The following TAFA5 variants were observed in gnomAD, a reference collection of about 807,000 sequenced individuals.
The protein encoded by TAFA5 is TAFA chemokine like family member 5.
A neutral mutation model predicts 15.3 loss-of-function variants in TAFA5; 6 were observed. The ratio of observed to expected loss-of-function variants is 0.39; its 90% confidence interval spans 0.21 to 0.77. TAFA5 has a LOEUF of 0.77. Among genes scored for constraint, TAFA5 ranks in the 30% least tolerant of loss-of-function variants. The probability of loss-of-function intolerance (pLI) is 0.41; values close to 1 mark genes in which losing one functional copy is unlikely to be tolerated. For missense variants in TAFA5, 161 were observed against 193.1 expected (o/e 0.83, Z 0.98); for synonymous variants, 103 against 80.7 (o/e 1.28, Z -1.48).
intron 3 of TAFA5, among the ~76,000 whole-genome samples, chr22:48,740,205 G>A (rs1252372230): frequency 9.9e-5 from 15 of 152,154 alleles, no homozygotes; most frequent in Non-Finnish European, 5.9e-5. Flanking sequence ...TGCTAACTAG[G>A]AGCCCCAAGG....
chr22:48,617,691 T>C (rs1925661171), intron 1 of TAFA5, among the ~76,000 whole-genome samples: 1 of 152,210 alleles, frequency 6.6e-6, no homozygotes, highest in Non-Finnish European at 1.5e-5. Flanking sequence ...AGCTGCCCCA[T>C]GCCTGAGGCG....
At chr22:48,551,255 G>T (rs1366768885) in intron 1 of TAFA5, among the ~76,000 whole-genome samples, 1 of 152,144 alleles carries the variant, frequency 6.6e-6, no homozygotes, top group Non-Finnish European at 1.5e-5. Context: ...CTGGAAGGCA[G>T]GGAGCCCCCC....
chr22:48,519,788 C>A (rs1601845548), intron 1 of TAFA5, among the ~76,000 whole-genome samples: 1 of 152,278 alleles, frequency 6.6e-6, no homozygotes, highest in East Asian at 1.9e-4. Context: ...GGTCCCGTAC[C>A]TCTTGCCCAT....
rs900003842 is a variant in TAFA5, at chr22:48,566,413, A to G, written c.112+76709A>G. On this transcript the variant is annotated intron_variant, in intron 1 of 3. Coordinates refer to ENST00000402357, the MANE Select transcript of TAFA5 (RefSeq NM_001082967.3). The surrounding 1 kb of genome is among the most constrained non-coding windows in gnomAD (Gnocchi z 4.5). Reference sequence around the variant, plus strand: ...TGAATGATGGGTAGATGGTAGGTGGATGGATGATGAATGGTAGATGGGTGA... The same window carrying G: ...TGAATGATGGGTAGATGGTAGGTGGGTGGATGATGAATGGTAGATGGGTGA... 1.3e-5 allele frequency among the ~76,000 whole-genome samples: 2 copies of G among 151,772 alleles called. No individual in the cohort carries two copies. Among genetic ancestry groups the G allele is most frequent in the African/African-American group, 4.8e-5 (2 of 41,342 alleles).
chr22:48,564,239 A>G (rs1923335203), intron 1 of TAFA5, among the ~76,000 whole-genome samples: 1 of 152,226 alleles, frequency 6.6e-6, no homozygotes, highest in Non-Finnish European at 1.5e-5. Context: ...GATGGCAGGA[A>G]GCTTGTGGCG....
At chr22:48,668,408 G>A (rs578260056) in intron 2 of TAFA5, among the ~76,000 whole-genome samples, 44 of 16,508 alleles carry the variant, frequency 2.7e-3, no homozygotes, top group Admixed American at 7.9e-3. Context: ...CCCAGCACTC[G>A]GGGCCGCGTT....
At chr22:48,634,299 CACTT>C (rs1245779018) in intron 1 of TAFA5, among the ~76,000 whole-genome samples, 1 of 152,150 alleles carries the variant, frequency 6.6e-6, no homozygotes, top group Non-Finnish European at 1.5e-5. Context: ...TTCGTTAACT[CACTT>C]ATTCACTCAT....
chr22:48,559,475 C>A (rs919421827), intron 1 of TAFA5, among the ~76,000 whole-genome samples: 4 of 152,140 alleles, frequency 2.6e-5, no homozygotes, highest in Admixed American at 1.3e-4. Flanking sequence ...GCCCCACAAC[C>A]CCTCCTCTGA....
intron 2 of TAFA5, among the ~76,000 whole-genome samples, chr22:48,694,809 CCCACCCGCCGCCG>C: frequency 4.3e-5 from 1 of 23,458 alleles, no homozygotes. Flanking sequence ...GACCTCCGCC[CCCACCCGCCGCCG>C]CTCCGACCTC....
chr22:48,615,074 C>T (rs955838458), intron 1 of TAFA5, among the ~76,000 whole-genome samples: 5 of 152,194 alleles, frequency 3.3e-5, no homozygotes, highest in East Asian at 1.9e-4. Context: ...AGGAAGTACT[C>T]GCTTACAAAG....
intron 1 of TAFA5, among the ~76,000 whole-genome samples, chr22:48,606,686 C>T (rs886134130): frequency 1.4e-4 from 22 of 152,204 alleles, no homozygotes; most frequent in Non-Finnish European, 2.8e-4. Flanking sequence ...TTGAAACTGG[C>T]GTCTGGGATT....
intron 3 of TAFA5, among the ~76,000 whole-genome samples, chr22:48,732,223 G>C (rs2147267705): frequency 6.6e-6 from 1 of 151,616 alleles, no homozygotes; most frequent in South Asian, 2.1e-4. Flanking sequence ...GGTACTTCTT[G>C]GGGATAAGCA....
intron 1 of TAFA5, among the ~76,000 whole-genome samples, chr22:48,628,906 T>C (rs1428733893): frequency 6.6e-6 from 1 of 152,094 alleles, no homozygotes; most frequent in Non-Finnish European, 1.5e-5. Flanking sequence ...CCTGGGGCTG[T>C]GGGTGGGGGC....
chr22:48,604,368 C>T (rs1925082218), intron 1 of TAFA5, among the ~76,000 whole-genome samples: 1 of 152,246 alleles, frequency 6.6e-6, no homozygotes, highest in Admixed American at 6.5e-5. Context: ...CATTTTGCTG[C>T]AGATTCCACG....
chr22:48,556,243 A>G (rs995761012), intron 1 of TAFA5, among the ~76,000 whole-genome samples: 12 of 152,122 alleles, frequency 7.9e-5, no homozygotes, highest in African/African-American at 2.4e-4. Context: ...GCAAGTGCTC[A>G]CTGGCCCTGC....
At chr22:48,677,426 C>T (rs562405091) in intron 2 of TAFA5, among the ~76,000 whole-genome samples, 2 of 152,222 alleles carry the variant, frequency 1.3e-5, no homozygotes, top group Admixed American at 1.3e-4. Context: ...GCAGAAGGGA[C>T]ATGTATCCAG....
At chr22:48,654,632 C>T (rs988338108) in intron 2 of TAFA5, among the ~76,000 whole-genome samples, 10 of 152,246 alleles carry the variant, frequency 6.6e-5, no homozygotes, top group African/African-American at 1.7e-4. Context: ...CTGACTTTCC[C>T]ATCCGAATCA....
intron 2 of TAFA5, among the ~76,000 whole-genome samples, chr22:48,691,843 G>T (rs370053781): frequency 5.3e-5 from 8 of 152,214 alleles, no homozygotes; most frequent in African/African-American, 1.9e-4. Context: ...GGCCCCAACT[G>T]TCTGGGCCCT....
At chr22:48,527,293 T>TG (rs951152254) in intron 1 of TAFA5, among the ~76,000 whole-genome samples, 1 of 152,202 alleles carries the variant, frequency 6.6e-6, no homozygotes, top group African/African-American at 2.4e-5. Flanking sequence ...AGCCCAGGCC[T>TG]GGGGGGTCTC....
Sources: gnomAD v4.1 joint callset for allele counts (sites outside exome capture counted in the v4.1 genomes callset) on GRCh38, gnomAD v4.1.1 for gene constraint, Gnocchi (gnomAD v3.1) non-coding constraint, MANE v1.5 for transcripts, NCBI Gene and HGNC (gene_info 2026-07-23, HGNC 2026-07-21) for gene names.